The following TSGA10IP variants were observed in gnomAD, a reference collection of about 807,000 sequenced individuals.
TSGA10IP encodes the protein testis-specific protein 10-interacting protein.
A neutral mutation model predicts 63.2 loss-of-function variants in TSGA10IP; 64 were observed. That is an observed-to-expected ratio of 1.01 (90% CI 0.83 to 1.25). The LOEUF is 1.25. Among genes scored for constraint, TSGA10IP ranks in the 50% most tolerant of loss-of-function variants. The probability of loss-of-function intolerance (pLI) is 0.00; values close to 1 mark genes in which losing one functional copy is unlikely to be tolerated. For missense variants in TSGA10IP, 681 were observed against 710.1 expected, an observed-to-expected ratio of 0.96 and a Z score of 0.47; for synonymous variants, 316 against 298.3, an observed-to-expected ratio of 1.06 and a Z score of -0.61.
At chr11:65,958,885 G>T in exon 6 of TSGA10IP, 2 of 1,612,206 alleles carry the variant, frequency 1.2e-6, no homozygotes, top group Non-Finnish European at 1.7e-6. Flanking sequence ...CCCTGCAGGC[G>T]CCAGGAGCGA....
At chr11:65,947,801 A>T in exon 3 of TSGA10IP, 1 of 1,571,322 alleles carries the variant, frequency 6.4e-7, no homozygotes, top group East Asian at 2.4e-5. Flanking sequence ...GAAGCTGCAC[A>T]GGCAGCTACA....
At chr11:65,947,434 G>A (rs749316625) in exon 3 of TSGA10IP, 1 of 1,613,660 alleles carries the variant, frequency 6.2e-7, no homozygotes, top group African/African-American at 1.3e-5. Flanking sequence ...TGCCTGGGAG[G>A]AGGCCAGGAT....
Position 65,953,563 on chromosome 11 carries a change from C to T in TSGA10IP, c.1152-4C>T, listed in dbSNP as rs776626478. 6.3e-7 allele frequency: 1 copy of T among 1,578,380 alleles called. No individual in the cohort carries two copies. The highest frequency in any genetic ancestry group is 1.1e-5 in the South Asian group (1 of 87,628). On this transcript the variant is annotated splice_region_variant and splice_polypyrimidine_tract_variant and intron_variant, in intron 4 of 7. Transcript: ENST00000532620. ...TCTCATTCCCCTTCCCTTTCTCACC[C>T]AAGGAGCCTGCTGCAGGCCTGGGAG...
intron 1 of TSGA10IP, 94 bp from the exon 2 acceptor site, chr11:65,946,786 C>T: frequency 1.4e-6 from 2 of 1,453,346 alleles, no homozygotes; most frequent in South Asian, 2.6e-5. Context: ...CAGCCAGGCC[C>T]AGCCAGGTGC....
chr11:65,955,153 G>T (rs1855002937), intron 5 of TSGA10IP, among the ~76,000 whole-genome samples: 1 of 152,146 alleles, frequency 6.6e-6, no homozygotes, highest in African/African-American at 2.4e-5. Context: ...GCAGGAATTT[G>T]TAGCTAATAG....
At chr11:65,947,703 A>T (rs1172927439) in exon 3 of TSGA10IP, 1 of 1,598,932 alleles carries the variant, frequency 6.3e-7, no homozygotes, top group Non-Finnish European at 8.5e-7. Context: ...GGCCAGAGCC[A>T]GGGGAGCAGC....
chr11:65,950,911 G>A (rs1030722715), intron 4 of TSGA10IP, among the ~76,000 whole-genome samples: 1 of 152,128 alleles, frequency 6.6e-6, no homozygotes. Flanking sequence ...ATTATGCTGA[G>A]TTTGACTTTT....
At chr11:65,947,530 C>A (rs1160709033) in exon 3 of TSGA10IP, 8 of 1,613,592 alleles carry the variant, frequency 5.0e-6, no homozygotes, top group Non-Finnish European at 5.1e-6. Flanking sequence ...GGGTGCTGCC[C>A]CAGCGCCCCA....
At chr11:65,957,571 G>T (rs59768626) in intron 5 of TSGA10IP, among the ~76,000 whole-genome samples, 9,042 of 152,164 alleles carry the variant, frequency 0.059, 553 homozygotes, top group African/African-American at 0.16. Flanking sequence ...CTTGTGTTCC[G>T]GGCCATGGGT....
rs765876075 is a variant in TSGA10IP, at chr11:65,946,831, C to A, written c.148-49C>A. The A allele has an allele frequency of 2.5e-6, 4 of 1,596,798 alleles. No homozygotes were observed. In the South Asian group the frequency reaches 3.4e-5, roughly 13 times the overall value. On this transcript the variant is annotated intron_variant, in intron 1 of 7. Coordinates refer to ENST00000532620, the Ensembl canonical transcript of TSGA10IP. The stretch of plus-strand genomic sequence containing the variant: ...GCACCCGGGTGAGGTGCAACACAGT[C>A]CAGGAGGCTGCTCAAGCTGGCTGCT...
intron 4 of TSGA10IP, among the ~76,000 whole-genome samples, chr11:65,951,186 A>G (rs1422464359): frequency 6.6e-6 from 1 of 152,182 alleles, no homozygotes; most frequent in Non-Finnish European, 1.5e-5. Context: ...CCTCTTCAAC[A>G]TACTAATTTC....
rs117939271 is a variant in TSGA10IP, at chr11:65,947,872, G to A, written c.1003+44G>A. On this transcript the variant is annotated intron_variant, in intron 3 of 7. Transcript: ENST00000532620. ...GCCTGGATTCCCCCGAAGCTACACC[G>A]CAGGGAACAGGGAGCAGTCAGGGAG... 9.8e-4 allele frequency: 1,486 copies of A among 1,516,170 alleles called. 1 individual carries two copies. Among genetic ancestry groups the A allele is most frequent in the Middle Eastern group, 3.0e-3 (16 of 5,414 alleles). The allele number at this position is 1,516,170 out of a possible 1,614,324, so 93.9% of individuals were successfully genotyped here. A position where few individuals can be genotyped will look rare whatever the true frequency, so the allele number is the denominator to read the frequency against.
intron 5 of TSGA10IP, among the ~76,000 whole-genome samples, chr11:65,957,694 T>C (rs1855048965): frequency 6.6e-6 from 1 of 152,124 alleles, no homozygotes; most frequent in Non-Finnish European, 1.5e-5. Context: ...CCCAGCACAA[T>C]CGCTGAGGTC....
At chr11:65,945,541 G>A in exon 1 of TSGA10IP, 1 of 935,936 alleles carries the variant, frequency 1.1e-6, no homozygotes, top group Non-Finnish European at 1.6e-6. Flanking sequence ...CTCCCAGAAG[G>A]AGATTGGCCT....
At chr11:65,957,965 G>A (rs1407429592) in intron 5 of TSGA10IP, among the ~76,000 whole-genome samples, 1 of 152,190 alleles carries the variant, frequency 6.6e-6, no homozygotes, top group Non-Finnish European at 1.5e-5. Flanking sequence ...TGGGTTTTGG[G>A]TTTTTTGAGA....
intron 4 of TSGA10IP, 108 bp downstream of exon 4, chr11:65,948,256 C>A: frequency 7.3e-7 from 1 of 1,363,438 alleles, no homozygotes; most frequent in Non-Finnish European, 9.8e-7. Flanking sequence ...CTTTATTTAT[C>A]CATTCACCAA....
rs1183173604 is a variant in TSGA10IP at position 65,959,684 on chromosome 11, G to A, written c.1548-133G>A. ...CTTGACAATAAGGAAAGTGAGACTC[G>A]AGAAGAGTCACTTTGCCCAGGATCA... On this transcript the variant is annotated intron_variant, in intron 7 of 7. Transcript: ENST00000532620. The A allele has an allele frequency of 6.9e-6, 9 of 1,298,874 alleles. No homozygotes were observed. The East Asian group carries it at 7.7e-5, about 11-fold the overall frequency. 80.5% of individuals were successfully genotyped at this position (1,298,874 alleles called of 1,614,324 possible). A position where few individuals can be genotyped will look rare whatever the true frequency, so the allele number is the denominator to read the frequency against.
intron 4 of TSGA10IP, among the ~76,000 whole-genome samples, chr11:65,953,356 G>A (rs945621790): frequency 6.6e-6 from 1 of 152,176 alleles, no homozygotes; most frequent in Non-Finnish European, 1.5e-5. Context: ...TCTAGAAAGA[G>A]TAGGGAAAGG....
chr11:65,945,839 G>A lies in TSGA10IP; in HGVS notation c.147+17G>A. On this transcript the variant is annotated intron_variant, in intron 1 of 7. Transcript: ENST00000532620. The stretch of plus-strand genomic sequence containing the variant: ...GACAAGCAGGTGAGGGAGGCCCAGT[G>A]AGGACACTTCCAGCTGCCTAGAGCC... The A allele has an allele frequency of 1.9e-6, 3 of 1,612,410 alleles. No homozygotes were observed. The highest frequency in any genetic ancestry group is 1.7e-5 in the Admixed American group (1 of 59,932).
Sources: allele counts gnomAD v4.1 joint callset (sites outside exome capture counted in the v4.1 genomes callset), GRCh38; gene constraint gnomAD v4.1.1; transcripts MANE v1.5; gene names NCBI Gene and HGNC (gene_info 2026-07-23, HGNC 2026-07-21).